The following SGSM2 variants were observed in gnomAD, a reference collection of about 807,000 sequenced individuals.
SGSM2 encodes RUN and TBC1 domain containing 1.
Under a neutral mutation model 126.6 loss-of-function variants are expected in SGSM2, and 89 were observed. The observed-to-expected ratio is 0.70, with a 90% CI of 0.59 to 0.84. The LOEUF (loss-of-function observed/expected upper bound fraction) is 0.84. Ranked by LOEUF, SGSM2 falls within the 40% of genes least tolerant of loss-of-function variation. The pLI, the probability that SGSM2 is intolerant of heterozygous loss-of-function variation, is 0.00. For synonymous variants in SGSM2, 614 were observed against 574.3 expected (o/e 1.07, Z -0.99); for missense variants, 1,404 against 1,416.6 (o/e 0.99, Z 0.14).
intron 21 of SGSM2, 59 bp from the exon 22 acceptor site, chr17:2,377,798 C>A: frequency 8.8e-7 from 1 of 1,138,728 alleles, no homozygotes; most frequent in Non-Finnish European, 1.3e-6. Context: ...CGGTGAGTGG[C>A]GGCCAGAGGC....
chr17:2,345,551 G>C (rs951481641), intron 2 of SGSM2, among the ~76,000 whole-genome samples: 1 of 147,008 alleles, frequency 6.8e-6, no homozygotes, highest in African/African-American at 2.5e-5. Flanking sequence ...AGCCAAGATC[G>C]CGCCACTGCA....
At chr17:2,361,243 C>A (rs1261070250) in intron 2 of SGSM2, among the ~76,000 whole-genome samples, 1 of 152,228 alleles carries the variant, frequency 6.6e-6, no homozygotes, top group Admixed American at 6.5e-5. Context: ...TCCTTAGCAA[C>A]CGCATCCTCC....
In SGSM2 at chr17:2,375,886, G is replaced by A. The variant is rs189633357; in HGVS notation, c.2484+11G>A. The A allele has an allele frequency of 1.1e-3, 1,722 of 1,508,970 alleles. No homozygotes were observed. The highest frequency in any genetic ancestry group is 1.8e-3 in the Admixed American group (84 of 45,554). 93.5% of individuals were successfully genotyped at this position (1,508,970 alleles called of 1,614,324 possible). A position where few individuals can be genotyped will look rare whatever the true frequency, so the allele number is the denominator to read the frequency against. On this transcript the variant is annotated intron_variant, in intron 18 of 23. Transcript: ENST00000268989. ...GCGGCTGCCTACACTGTGCGTACAT[G>A]CTCCCCAGGCTGTTCCCAGCCGCCC... is the stretch of plus-strand genomic sequence containing the variant.
rs141430296 is a variant in SGSM2, at chr17:2,346,961, C to T, written c.133+3341C>T. Among the ~76,000 whole-genome samples, 909 of 152,136 alleles carry T rather than the reference C, an allele frequency of 6.0e-3. 5 individuals are homozygous for T. Among genetic ancestry groups the T allele is most frequent in the Non-Finnish European group, 9.4e-3 (642 of 68,000 alleles). Reference sequence around the variant, plus strand: ...ATAACTCGCTGGGCATGGTGGTGCACGCCTGTAGTCCCAGCTACTCCAGAG... The same window carrying T: ...ATAACTCGCTGGGCATGGTGGTGCATGCCTGTAGTCCCAGCTACTCCAGAG... On this transcript the variant is annotated intron_variant, in intron 2 of 23. Transcript: ENST00000268989.
At chr17:2,340,210 G>T (rs1321895952) in intron 1 of SGSM2, among the ~76,000 whole-genome samples, 1 of 152,068 alleles carries the variant, frequency 6.6e-6, no homozygotes, top group African/African-American at 2.4e-5. Context: ...CAGCTCCTGG[G>T]TTCAAGCGAT....
intron 19 of SGSM2, 56 bp from the exon 20 acceptor site, chr17:2,376,677 T>A (rs2066174133): frequency 6.3e-7 from 1 of 1,582,548 alleles, no homozygotes; most frequent in African/African-American, 1.3e-5. Flanking sequence ...TTCCCAGGGA[T>A]CCCGAGGGAG....
chr17:2,348,865 G>T (rs548083678), intron 2 of SGSM2, among the ~76,000 whole-genome samples: 1 of 152,056 alleles, frequency 6.6e-6, no homozygotes, highest in Non-Finnish European at 1.5e-5. Context: ...GGGTTCAGGC[G>T]ATCCTCTCAC....
intron 3 of SGSM2, 111 bp downstream of exon 3, chr17:2,361,910 G>C: frequency 7.2e-7 from 1 of 1,394,054 alleles, no homozygotes; most frequent in Non-Finnish European, 9.7e-7. Context: ...GTTCCTTGCA[G>C]GGCCTCTGGG....
intron 19 of SGSM2, 190 bp downstream of exon 19, chr17:2,376,451 C>G: frequency 1.4e-6 from 1 of 706,454 alleles, no homozygotes. Flanking sequence ...CCTACCAGAC[C>G]TCCACTTCAG....
At position 2,372,089 on chromosome 17, in the gene SGSM2, A is replaced by T; in HGVS notation, c.1578-101A>T. 1 of 1,373,718 alleles carries T rather than the reference A, an allele frequency of 7.3e-7. No individual in the cohort carries two copies. Among genetic ancestry groups the T allele is most frequent in the Non-Finnish European group, 1.0e-6 (1 of 976,264 alleles). 85.1% of individuals were successfully genotyped at this position (1,373,718 alleles called of 1,614,324 possible). On this transcript the variant is annotated intron_variant, in intron 13 of 23. Transcript: ENST00000268989. This position sits in a 1 kb window ranked among gnomAD's most constrained non-coding sequence, Gnocchi z 6.0. ...GGCTCCTCCTCCTCGCACCCTCCCC[A>T]GTGCCTTACCTGCCCCCCAGGACAG...
chr17:2,372,056 T>C lies in SGSM2; in HGVS notation c.1578-134T>C. On this transcript the variant is annotated intron_variant, in intron 13 of 23. Transcript: ENST00000268989. The surrounding 1 kb of genome is among the most constrained non-coding windows in gnomAD (Gnocchi z 6.0). ...GGACAGGGCACCCACTGACGGCTGC[T>C]GGGCTGCGGCTCCTCCTCCTCGCAC... 1.9e-6 allele frequency: 2 copies of C among 1,045,462 alleles called. No homozygotes were observed. Among genetic ancestry groups the C allele is most frequent in the Admixed American group, 3.8e-5 (2 of 52,532 alleles). The allele number at this position is 1,045,462 out of a possible 1,614,324, so 64.8% of individuals were successfully genotyped here.
In SGSM2 at chr17:2,362,486, G is replaced by A. The variant is rs368514328; in HGVS notation, c.458+216G>A. 9.4e-4 allele frequency among the ~76,000 whole-genome samples: 132 copies of A among 139,992 alleles called. No homozygotes were observed. The highest frequency in any genetic ancestry group is 1.3e-3 in the Non-Finnish European group (85 of 63,802). 91.8% of individuals were successfully genotyped at this position (139,992 alleles called of 152,430 possible). On this transcript the variant is annotated intron_variant, in intron 4 of 23. Coordinates refer to ENST00000268989, the MANE Select transcript of SGSM2 (RefSeq NM_014853.3). This position sits in a 1 kb window ranked among gnomAD's most constrained non-coding sequence, Gnocchi z 4.9. ...CCCAAAAACTGCAGGTGACCGCCCC[G>A]TTCCCCAAAAACTGCAGGTGACCGC...
At chr17:2,345,428 C>G (rs1165922967) in intron 2 of SGSM2, among the ~76,000 whole-genome samples, 1 of 151,748 alleles carries the variant, frequency 6.6e-6, no homozygotes, top group Non-Finnish European at 1.5e-5. Context: ...AACCCCGTCT[C>G]TACTAAAAAT....
At chr17:2,379,332 A>C (rs2066318058) in intron 23 of SGSM2, 100 bp from the exon 24 acceptor site, 1 of 1,566,688 alleles carries the variant, frequency 6.4e-7, no homozygotes, top group African/African-American at 1.4e-5. Context: ...GATGTCAAGA[A>C]TCTAGCAGAG....
chr17:2,373,162 C>A, intron 16 of SGSM2, 81 bp downstream of exon 16: 1 of 1,577,152 alleles, frequency 6.3e-7, no homozygotes, highest in East Asian at 2.3e-5. Flanking sequence ...TTGGAAGCCT[C>A]AGCCCCTTCC....
chr17:2,339,707 CAA>C (rs747440533), intron 1 of SGSM2, among the ~76,000 whole-genome samples: 127 of 60,522 alleles, frequency 2.1e-3, no homozygotes, highest in African/African-American at 6.0e-3. Context: ...CACTCCATCT[CAA>C]AAAAAAAAAA....
At chr17:2,361,522 C>A in intron 2 of SGSM2, 115 bp from the exon 3 acceptor site, 1 of 1,316,206 alleles carries the variant, frequency 7.6e-7, no homozygotes, top group Non-Finnish European at 1.1e-6. Flanking sequence ...ATCTCCCTGG[C>A]CTGCCCTTGG....
chr17:2,369,438 C>T (rs1291856635), intron 12 of SGSM2, among the ~76,000 whole-genome samples: 3 of 152,180 alleles, frequency 2.0e-5, no homozygotes, highest in African/African-American at 4.8e-5. Flanking sequence ...TTTACACTTT[C>T]CTCATGCTCA....
chr17:2,339,334 G>T (rs1354462650), intron 1 of SGSM2, among the ~76,000 whole-genome samples: 8 of 152,002 alleles, frequency 5.3e-5, no homozygotes, highest in Non-Finnish European at 1.0e-4. Context: ...TACTCGGGAG[G>T]CTGTGGCAGG....
Sources: gnomAD v4.1 joint callset for allele counts (sites outside exome capture counted in the v4.1 genomes callset) on GRCh38, gnomAD v4.1.1 for gene constraint, Gnocchi (gnomAD v3.1) non-coding constraint, MANE v1.5 for transcripts, NCBI Gene and HGNC (gene_info 2026-07-23, HGNC 2026-07-21) for gene names.